ADAMTSL3: variants seen among roughly 807,000 people sequenced by gnomAD.
ADAMTSL3 encodes the protein ADAMTS like 3, also known as ADAMTS-like protein 3.
Under a neutral mutation model 201.7 loss-of-function variants are expected in ADAMTSL3, and 128 were observed. That is an observed-to-expected ratio of 0.63 (90% CI 0.55 to 0.73). ADAMTSL3 has a LOEUF of 0.73. ADAMTSL3 is among the 30% of genes least tolerant of loss of function. The probability of loss-of-function intolerance (pLI) is 0.00; values close to 1 mark genes in which losing one functional copy is unlikely to be tolerated. For missense variants in ADAMTSL3, 1,990 were observed against 2,119.6 expected, an observed-to-expected ratio of 0.94 and a Z score of 1.20; for synonymous variants, 738 against 748.4, an observed-to-expected ratio of 0.99 and a Z score of 0.23.
At chr15:83,788,822 T>G (rs956596046) in intron 4 of ADAMTSL3, among the ~76,000 whole-genome samples, 1 of 152,200 alleles carries the variant, frequency 6.6e-6, no homozygotes, top group Non-Finnish European at 1.5e-5. Flanking sequence ...TCTTTTTGTT[T>G]TTTTGAGACA....
intron 4 of ADAMTSL3, among the ~76,000 whole-genome samples, chr15:83,779,790 A>G (rs571920620): frequency 1.3e-5 from 2 of 152,116 alleles, no homozygotes; most frequent in South Asian, 2.1e-4. Flanking sequence ...TTAAAACCAT[A>G]CAATCACATG....
chr15:83,704,405 C>A lies in ADAMTSL3; in HGVS notation c.86C>A (p.Ser29Tyr), dbSNP rs200800949. The A allele has an allele frequency of 1.4e-4, 226 of 1,614,060 alleles. 2 individuals are homozygous for A. The Admixed American group carries it at 3.7e-3, about 27-fold the overall frequency. Residue 29 changes from serine to tyrosine, a missense_variant, in exon 3 of 30, where the codon TCT becomes TAT. Coordinates refer to ENST00000286744, the MANE Select transcript of ADAMTSL3 (RefSeq NM_207517.3). ...SPLPQTTAEK[S>Y]PGAYFLPEFA... is the part of the protein sequence containing the mutation. ...GTTTTTCAGACCACAGCTGAGAAAT[C>A]TCCTGGAGCCTATTTCCTTCCCGAG...
chr15:83,879,436 A>T (rs1459200613), intron 9 of ADAMTSL3, among the ~76,000 whole-genome samples: 1 of 152,144 alleles, frequency 6.6e-6, no homozygotes, highest in Non-Finnish European at 1.5e-5. Flanking sequence ...AATAATTTTG[A>T]TATGAAATGT....
intron 3 of ADAMTSL3, among the ~76,000 whole-genome samples, chr15:83,714,795 C>CTCTCTTTCTT (rs2061983738): frequency 2.0e-5 from 2 of 102,038 alleles, no homozygotes; most frequent in African/African-American, 3.6e-5. Flanking sequence ...TTTTCTTTCT[C>CTCTCTTTCTT]TCTCTTTCTT....
Position 83,773,538 on chromosome 15 carries a change from C to G in ADAMTSL3, c.205C>G (p.Arg69Gly), listed in dbSNP as rs372398944. The part of the protein sequence containing the change: ...RYDDQTSRNT[R>G]SDEDKDGNWD... ...TAACATCTAGACCTCAAGAAACACT[C>G]GTTCAGATGAAGACAAAGATGGCAA... The change falls in exon 4 of 30, where the codon CGT becomes GGT. Residue 69 changes from arginine (R) to glycine (G), a missense_variant. By Grantham distance (125) the Arg-to-Gly change is moderately radical. Transcript: ENST00000286744. 6.2e-7 allele frequency: 1 copy of G among 1,613,610 alleles called. No homozygotes were observed. The highest frequency in any genetic ancestry group is 1.7e-5 in the Admixed American group (1 of 59,990).
intron 23 of ADAMTSL3, among the ~76,000 whole-genome samples, chr15:84,001,363 C>T (rs1437507126): frequency 6.6e-6 from 1 of 152,150 alleles, no homozygotes; most frequent in African/African-American, 2.4e-5. Context: ...CATCAAAGCT[C>T]ATCATCAAAA....
rs532597192 is a variant in ADAMTSL3 at position 83,750,402 on chromosome 15, C to T, written c.190-23121C>T. ...TTAAGTAAATTATATTTCTTTTTCC[C>T]TTGTAAGTTTTGCATCATAGCTTGG... is the stretch of plus-strand genomic sequence containing the variant. On this transcript the variant is annotated intron_variant, in intron 3 of 29. Coordinates refer to ENST00000286744, the MANE Select transcript of ADAMTSL3 (RefSeq NM_207517.3). Among the ~76,000 whole-genome samples the T allele has an allele frequency of 4.0e-4, 61 of 152,294 alleles. No homozygotes were observed. In the South Asian group the frequency reaches 0.012, roughly 29 times the overall value.
At chr15:83,777,359 A>G (rs185446541) in intron 4 of ADAMTSL3, among the ~76,000 whole-genome samples, 40 of 152,364 alleles carry the variant, frequency 2.6e-4, no homozygotes, top group Admixed American at 8.5e-4. Context: ...GACATCAGCC[A>G]TCAGAGTGTA....
At chr15:83,687,889 G>GA (rs1555430254) in intron 2 of ADAMTSL3, among the ~76,000 whole-genome samples, 38 of 151,704 alleles carry the variant, frequency 2.5e-4, no homozygotes, top group Non-Finnish European at 4.1e-4. Context: ...CCCAACACCA[G>GA]TTTTTTAAAC....
chr15:83,990,335 ATATTCAGAAAAACTTTATAAGGAT>A, intron 22 of ADAMTSL3, among the ~76,000 whole-genome samples: 1 of 152,324 alleles, frequency 6.6e-6, no homozygotes, highest in South Asian at 2.1e-4. Context: ...CTGTGGCACC[ATATTCAGAAAAACTTTATAAGGAT>A]TAGGTACCAC....
At chr15:83,893,210 T>G (rs961353482) in intron 13 of ADAMTSL3, among the ~76,000 whole-genome samples, 2 of 152,252 alleles carry the variant, frequency 1.3e-5, no homozygotes, top group African/African-American at 4.8e-5. Context: ...AATTATTTGT[T>G]GCCCTTGTGG....
At chr15:83,704,592 A>T in intron 3 of ADAMTSL3, 84 bp downstream of exon 3, 1 of 1,548,210 alleles carries the variant, frequency 6.5e-7, no homozygotes, top group Non-Finnish European at 8.8e-7. Context: ...CTTCAAAGTA[A>T]TTATATTTTC....
At position 83,885,233 on chromosome 15, in the gene ADAMTSL3, A is replaced by T. The variant is rs760989770; in HGVS notation, c.1072+21A>T. 6 of 1,555,134 alleles carry T rather than the reference A, an allele frequency of 3.9e-6. No homozygotes were observed. In the South Asian group the frequency reaches 6.7e-5, roughly 17 times the overall value. On this transcript the variant is annotated intron_variant, in intron 10 of 29. Transcript: ENST00000286744. ...AGGAGGTGAGGCCCAGGCTTTGTTC[A>T]TGAATATTTAGAGCTCAGAGTTAGA...
intron 2 of ADAMTSL3, among the ~76,000 whole-genome samples, chr15:83,661,196 A>G (rs1353768375): frequency 6.6e-6 from 1 of 152,130 alleles, no homozygotes; most frequent in Non-Finnish European, 1.5e-5. Flanking sequence ...CTTGTAGTAT[A>G]GTTTGAAGTC....
chr15:83,690,109 G>A (rs962950900), intron 2 of ADAMTSL3, among the ~76,000 whole-genome samples: 1 of 151,986 alleles, frequency 6.6e-6, no homozygotes, highest in Non-Finnish European at 1.5e-5. Context: ...ATGTTATTTT[G>A]TTCTGGTTCA....
chr15:83,715,178 G>T (rs911784065), intron 3 of ADAMTSL3, among the ~76,000 whole-genome samples: 2 of 152,162 alleles, frequency 1.3e-5, no homozygotes, highest in African/African-American at 4.8e-5. Flanking sequence ...AATGCAGGAT[G>T]TGAGGCTTGG....
intron 2 of ADAMTSL3, among the ~76,000 whole-genome samples, chr15:83,701,207 T>A (rs1189454436): frequency 6.6e-6 from 1 of 152,166 alleles, no homozygotes; most frequent in African/African-American, 2.4e-5. Context: ...GATCCATGTA[T>A]TTTTGACTGG....
chr15:83,753,512 G>C (rs993383509), intron 3 of ADAMTSL3, among the ~76,000 whole-genome samples: 2 of 152,148 alleles, frequency 1.3e-5, no homozygotes, highest in African/African-American at 4.8e-5. Flanking sequence ...CCCCTAAAAT[G>C]TGGTCTGGGT....
Position 83,838,091 on chromosome 15 carries a change from A to T in ADAMTSL3, c.603A>T (p.Ala201=). 2 of 1,607,820 alleles carry T rather than the reference A, an allele frequency of 1.2e-6. No individual in the cohort carries two copies. Among genetic ancestry groups the T allele is most frequent in the Non-Finnish European group, 1.7e-6 (2 of 1,177,674 alleles). Residue 201 remains alanine, a splice_region_variant and synonymous_variant, in exon 7 of 30, where the codon GCA becomes GCT. Transcript: ENST00000286744. ...GACTGCCATGCTTCTGTTGGCAGGC[A>T]GTGGGCTGCGATCGGCAACTGGGAA... ...LDMCISGICQ[A]VGCDRQLGSN... is the part of the protein sequence containing the mutation.
Sources: gnomAD v4.1 joint callset for allele counts (sites outside exome capture counted in the v4.1 genomes callset) on GRCh38, gnomAD v4.1.1 for gene constraint, MANE v1.5 for transcripts, NCBI Gene and HGNC (gene_info 2026-07-23, HGNC 2026-07-21) for gene names.